The following GRIN2D variants were observed in gnomAD, a reference collection of about 807,000 sequenced individuals.
GRIN2D encodes the protein glutamate receptor ionotropic, NMDA 2D.
Under a neutral mutation model 103.2 loss-of-function variants are expected in GRIN2D, and 37 were observed. The observed-to-expected ratio is 0.36, with a 90% CI of 0.28 to 0.47. GRIN2D has a LOEUF of 0.47. Ranked by LOEUF, GRIN2D falls within the 20% of genes least tolerant of loss-of-function variation. GRIN2D has a pLI of 1.00. For missense variants in GRIN2D, 1,557 were observed against 1,910.6 expected (o/e 0.81, Z 3.45); for synonymous variants, 845 against 885.6 (o/e 0.95, Z 0.81).
rs980228634 is a variant in GRIN2D at position 48,442,872 on chromosome 19, G to C, written c.2946G>C (p.Ala982=). The C allele has an allele frequency of 1.8e-6, 2 of 1,084,134 alleles. No homozygotes were observed. The highest frequency in any genetic ancestry group is 2.2e-6 in the Non-Finnish European group (2 of 896,684). 67.2% of individuals were successfully genotyped at this position (1,084,134 alleles called of 1,614,324 possible). The part of the protein sequence containing the change: ...GLGLGLGEAR[A]APRGAAGRPL... ...GCCTCGGCCTGGGCGAAGCGCGCGC[G>C]GCACCGCGGGGCGCAGCCGGGCGCC... The change falls in exon 14 of 14, where the codon GCG becomes GCC. Residue 982 remains alanine (A), a synonymous_variant. Transcript: ENST00000263269. The surrounding 1 kb of genome is among the most constrained non-coding windows in gnomAD (Gnocchi z 7.2).
chr19:48,428,075 T>G (rs2147463399), intron 11 of GRIN2D, among the ~76,000 whole-genome samples: 1 of 150,014 alleles, frequency 6.7e-6, no homozygotes, highest in African/African-American at 2.5e-5. Flanking sequence ...GATGGAGTGT[T>G]GCCCAGGCTG....
At position 48,405,360 on chromosome 19, in the gene GRIN2D, G is replaced by T; in HGVS notation, c.1085+7G>T. On this transcript the variant is annotated splice_region_variant and intron_variant, in intron 4 of 13. Coordinates refer to ENST00000263269, the MANE Select transcript of GRIN2D (RefSeq NM_000836.4). This position sits in a 1 kb window ranked among gnomAD's most constrained non-coding sequence, Gnocchi z 5.1. ...GCGGCGAGAGTCTGCATAGGTGAGT[G>T]GGGCTGGAATGGGAGGGGTGTGGGA... The T allele has an allele frequency of 6.5e-7, 1 of 1,548,090 alleles. No individual in the cohort carries two copies.
At chr19:48,411,563 C>T (rs1296245654) in intron 4 of GRIN2D, among the ~76,000 whole-genome samples, 1 of 151,736 alleles carries the variant, frequency 6.6e-6, no homozygotes, top group Non-Finnish European at 1.5e-5. Context: ...GCAGGAGAAT[C>T]GCTTGGACCT....
intron 11 of GRIN2D, among the ~76,000 whole-genome samples, chr19:48,438,698 C>A (rs1009200595): frequency 6.6e-6 from 1 of 151,860 alleles, no homozygotes; most frequent in African/African-American, 2.4e-5. Context: ...CCTCCCAAAG[C>A]GCTGGGATTA....
intron 7 of GRIN2D, among the ~76,000 whole-genome samples, chr19:48,415,643 A>AG (rs1370198061): frequency 1.8e-4 from 1 of 5,422 alleles, no homozygotes; most frequent in African/African-American, 9.2e-4. Flanking sequence ...TGGGACTCCT[A>AG]GGGGAAGGGG....
chr19:48,407,384 A>G (rs375941011), intron 4 of GRIN2D, among the ~76,000 whole-genome samples: 2 of 151,796 alleles, frequency 1.3e-5, no homozygotes, highest in Non-Finnish European at 1.5e-5. Flanking sequence ...GACGCTGTTC[A>G]GTTCTTTACC....
chr19:48,437,082 CCAAA>C (rs1971241592), intron 11 of GRIN2D, among the ~76,000 whole-genome samples: 1 of 152,206 alleles, frequency 6.6e-6, no homozygotes, highest in East Asian at 1.9e-4. Flanking sequence ...CAACCTACAC[CCAAA>C]CAAAGGCTGT....
chr19:48,414,621 C>T lies in GRIN2D; in HGVS notation c.1412+37C>T, dbSNP rs1387964705. On this transcript the variant is annotated intron_variant, in intron 6 of 13. Transcript: ENST00000263269. This position sits in a 1 kb window ranked among gnomAD's most constrained non-coding sequence, Gnocchi z 4.6. ...GGATCCAGGAGTTCCGGCTCCAAAACCCGCCTCCCGTGAAGCCCAGTAGTC... is the reference window on the plus strand; with the variant it reads ...GGATCCAGGAGTTCCGGCTCCAAAATCCGCCTCCCGTGAAGCCCAGTAGTC... 5.9e-6 allele frequency: 9 copies of T among 1,532,158 alleles called. No individual in the cohort carries two copies. Among genetic ancestry groups the T allele is most frequent in the Non-Finnish European group, 7.1e-6 (8 of 1,131,596 alleles). 94.9% of individuals were successfully genotyped at this position (1,532,158 alleles called of 1,614,324 possible).
chr19:48,398,471 C>T lies in GRIN2D; in HGVS notation c.79C>T (p.Pro27Ser). ...GCTGCTGGCGCTGGCCTGCGCCAGC[C>T]CGTTCCCGGAGGAGGCGCCGGGGCC... ...LLLLALACASPFPEEAPGPGG... is the reference protein window; with the variant it reads ...LLLLALACASSFPEEAPGPGG... Residue 27 changes from proline (P) to serine (S), a missense_variant, in exon 3 of 14, where the codon CCG becomes TCG. By Grantham distance (74) the Pro-to-Ser change is moderately conservative. Transcript: ENST00000263269. 1 of 1,053,820 alleles carries T rather than the reference C, an allele frequency of 9.5e-7. No homozygotes were observed. The highest frequency in any genetic ancestry group is 1.1e-6 in the Non-Finnish European group (1 of 875,146). The allele number at this position is 1,053,820 out of a possible 1,614,324, so 65.3% of individuals were successfully genotyped here.
chr19:48,443,149 GGCGCGGGC>G lies in GRIN2D; in HGVS notation c.3225_3232del (p.Ala1076ArgfsTer253), dbSNP rs1971326309. The stretch of plus-strand genomic sequence containing the variant: ...CGAGAGCCAACCCCTGCTGGGGCCA[GGCGCGGGC>G]GGCGCGGGGGGCACGGGGGGCGCAG... On this transcript the variant is annotated frameshift_variant, in exon 14 of 14. Coordinates refer to ENST00000263269, the MANE Select transcript of GRIN2D (RefSeq NM_000836.4). LOFTEE classifies it high-confidence loss of function. This position sits in a 1 kb window ranked among gnomAD's most constrained non-coding sequence, Gnocchi z 8.9. 3.0e-6 allele frequency: 3 copies of G among 990,404 alleles called. No homozygotes were observed. The highest frequency in any genetic ancestry group is 3.6e-6 in the Non-Finnish European group (3 of 833,340). 61.4% of individuals were successfully genotyped at this position (990,404 alleles called of 1,614,324 possible).
chr19:48,405,218 C>T lies in GRIN2D; in HGVS notation c.950C>T (p.Ala317Val). 2 of 1,602,106 alleles carry T rather than the reference C, an allele frequency of 1.2e-6. No individual in the cohort carries two copies. Among genetic ancestry groups the T allele is most frequent in the Non-Finnish European group, 8.5e-7 (1 of 1,178,302 alleles). The change falls in exon 4 of 14, where the codon GCT becomes GTT. Residue 317 changes from alanine to valine, a missense_variant. Physicochemically the swap from Ala to Val is moderately conservative, Grantham distance 64. Transcript: ENST00000263269. This position sits in a 1 kb window ranked among gnomAD's most constrained non-coding sequence, Gnocchi z 5.1. Reference protein sequence around the residue: ...VRSAGWRDDLARRVAAGVAVV... With the variant: ...VRSAGWRDDLVRRVAAGVAVV... ...TCGGCTGGCTGGCGGGATGACCTGG[C>T]TCGGCGAGTGGCAGCTGGCGTGGCC...
intron 2 of GRIN2D, among the ~76,000 whole-genome samples, chr19:48,396,515 G>A (rs900214706): frequency 6.6e-6 from 1 of 151,790 alleles, no homozygotes; most frequent in Non-Finnish European, 1.5e-5. Flanking sequence ...TGTTAACCCC[G>A]CGGGGGCCAG....
intron 3 of GRIN2D, among the ~76,000 whole-genome samples, chr19:48,402,723 CAAAAAAA>C (rs773669453): frequency 6.3e-4 from 27 of 43,140 alleles, no homozygotes; most frequent in South Asian, 4.0e-3. Flanking sequence ...GACTCCGTCT[CAAAAAAA>C]AAAAAAAAAA....
rs35263933 is a variant in GRIN2D at position 48,402,765 on chromosome 19, C to CGAGAGAGAGAGAGA, written c.466-1942_466-1929dup. Among the ~76,000 whole-genome samples, 324 of 108,984 alleles carry CGAGAGAGAGAGAGA rather than the reference C, an allele frequency of 3.0e-3. 6 individuals are homozygous for CGAGAGAGAGAGAGA. The highest frequency in any genetic ancestry group is 8.2e-3 in the African/African-American group (225 of 27,328). The allele number at this position is 108,984 out of a possible 152,430, so 71.5% of individuals were successfully genotyped here. Reference sequence around the variant, plus strand: ...AAAAAAAAGATTCTTTACTCCTTTACGAGAGAGAGAGAGAGAGAGAGAGAG... The same window carrying CGAGAGAGAGAGAGA: ...AAAAAAAAGATTCTTTACTCCTTTACGAGAGAGAGAGAGAGAGAGAGAGAGAGAGAGAGAGAGAG... On this transcript the variant is annotated intron_variant, in intron 3 of 13. Coordinates refer to ENST00000263269, the MANE Select transcript of GRIN2D (RefSeq NM_000836.4).
intron 2 of GRIN2D, among the ~76,000 whole-genome samples, chr19:48,395,401 C>A (rs1030355469): frequency 2.0e-5 from 3 of 152,076 alleles, no homozygotes; most frequent in Non-Finnish European, 4.4e-5. Flanking sequence ...CCCCAGCACC[C>A]CTCGCCCCAA....
rs746751166 is a variant in GRIN2D at position 48,405,190 on chromosome 19, C to T, written c.922C>T (p.Arg308Cys). 52 of 1,600,734 alleles carry T rather than the reference C, an allele frequency of 3.2e-5. No individual in the cohort carries two copies. The highest frequency in any genetic ancestry group is 4.0e-5 in the Non-Finnish European group (47 of 1,176,632). Residue 308 changes from arginine (R) to cysteine (C), a missense_variant, in exon 4 of 14, where the codon CGC becomes TGC. By Grantham distance (180) the Arg-to-Cys change is radical (BLOSUM62 -3). Transcript: ENST00000263269. The surrounding 1 kb of genome is among the most constrained non-coding windows in gnomAD (Gnocchi z 5.1). The part of the protein sequence containing the change: ...APLPAGLFAV[R>C]SAGWRDDLAR... ...CCTGCCTGCCGGGCTGTTTGCAGTG[C>T]GCTCGGCTGGCTGGCGGGATGACCT... is the stretch of plus-strand genomic sequence containing the variant.
At chr19:48,410,876 G>A (rs948871614) in intron 4 of GRIN2D, among the ~76,000 whole-genome samples, 10 of 152,048 alleles carry the variant, frequency 6.6e-5, no homozygotes, top group Non-Finnish European at 1.3e-4. Context: ...GGAGGAAGGC[G>A]GCTAAGAGTC....
chr19:48,398,755 G>C lies in GRIN2D; in HGVS notation c.363G>C (p.Ser121=), dbSNP rs1331836638. The change falls in exon 3 of 14, where the codon TCG becomes TCC. Residue 121 remains serine (S), a synonymous_variant. Transcript: ENST00000263269. ...RVHGVVFEDD[S]RAPAVAPILD... is the part of the protein sequence containing the mutation. ...ACGGCGTGGTCTTCGAAGACGACTCGCGCGCGCCCGCCGTCGCGCCCATCC... is the reference window on the plus strand; with the variant it reads ...ACGGCGTGGTCTTCGAAGACGACTCCCGCGCGCCCGCCGTCGCGCCCATCC... The C allele has an allele frequency of 1.4e-5, 21 of 1,464,062 alleles. No individual in the cohort carries two copies. In the East Asian group the frequency reaches 5.4e-4, roughly 38 times the overall value. The allele number at this position is 1,464,062 out of a possible 1,614,324, so 90.7% of individuals were successfully genotyped here. A position where few individuals can be genotyped will look rare whatever the true frequency, so the allele number is the denominator to read the frequency against.
Position 48,405,130 on chromosome 19 carries a change from C to G in GRIN2D, c.862C>G (p.Pro288Ala). The G allele has an allele frequency of 6.3e-7, 1 of 1,575,962 alleles. No homozygotes were observed. The highest frequency in any genetic ancestry group is 2.3e-5 in the East Asian group (1 of 42,886). Residue 288 changes from proline (P) to alanine (A), a missense_variant, in exon 4 of 14, where the codon CCT becomes GCT. By Grantham distance (27) the Pro-to-Ala change is conservative. Around this residue, in one of 7 missense-constraint regions of GRIN2D, gnomAD observed 490 missense variants for 601.1 expected, o/e 0.82. Coordinates refer to ENST00000263269, the MANE Select transcript of GRIN2D (RefSeq NM_000836.4). This position sits in a 1 kb window ranked among gnomAD's most constrained non-coding sequence, Gnocchi z 5.1. ...QLAGGGGSGAPGEPPLLPGGA... is the reference protein window; with the variant it reads ...QLAGGGGSGAAGEPPLLPGGA... Reference sequence around the variant, plus strand: ...GGCTGGAGGCGGGGGCTCTGGGGCCCCTGGTGAGCCCCCTCTTCTGCCAGG... The same window carrying G: ...GGCTGGAGGCGGGGGCTCTGGGGCCGCTGGTGAGCCCCCTCTTCTGCCAGG...
Sources: allele counts gnomAD v4.1 joint callset (sites outside exome capture counted in the v4.1 genomes callset), GRCh38; gene constraint gnomAD v4.1.1; regional missense constraint gnomAD v4.1.1; non-coding constraint Gnocchi (gnomAD v3.1); transcripts MANE v1.5; gene names NCBI Gene and HGNC (gene_info 2026-07-23, HGNC 2026-07-21).